LCAT: variants seen among roughly 807,000 people sequenced by gnomAD.
The protein encoded by LCAT is lecithin-cholesterol acyltransferase, also known as phosphatidylcholine-sterol acyltransferase.
LCAT carries 15 observed loss-of-function variants against 41.0 expected under a neutral mutation model. The observed-to-expected ratio is 0.37, with a 90% CI of 0.24 to 0.56. LCAT has a LOEUF of 0.56. Among genes scored for constraint, LCAT ranks in the 20% least tolerant of loss-of-function variants. LCAT has a pLI of 0.81. For missense variants in LCAT, 449 were observed against 595.1 expected, an observed-to-expected ratio of 0.75 and a Z score of 2.55; for synonymous variants, 248 against 245.4, an observed-to-expected ratio of 1.01 and a Z score of -0.10.
Position 67,940,222 on chromosome 16 carries a change from T to G in LCAT, c.1005A>C (p.Val335=), listed in dbSNP as rs770281333. ...LAGLPAPGVE[V]YCLYGVGLPT... is the part of the protein sequence containing the mutation. ...GCAGGCCCACGCCGTAAAGACAGTATACTTCCACACCAGGTGCTGGGAGTC... is the reference window on the plus strand; with the variant it reads ...GCAGGCCCACGCCGTAAAGACAGTAGACTTCCACACCAGGTGCTGGGAGTC... The change falls in exon 6 of 6, where the codon GTA becomes GTC. Residue 335 remains valine (V), a synonymous_variant. Coordinates refer to ENST00000264005, the MANE Select transcript of LCAT (RefSeq NM_000229.2). The G allele has an allele frequency of 1.9e-6, 3 of 1,613,208 alleles. No homozygotes were observed. In the South Asian group the frequency reaches 3.3e-5, roughly 18 times the overall value.
Position 67,943,975 on chromosome 16 carries a change from T to C in LCAT, c.127A>G (p.Ser43Gly). ...PPHTTPKAEL[S>G]NHTRPVILVP... is the part of the protein sequence containing the mutation. ...AGGATGACGGGCCGTGTGTGGTTAC[T>C]GAGCTCAGCCTTGGGCGTGGTGTGC... Residue 43 changes from serine to glycine, a missense_variant, in exon 1 of 6, where the codon AGT becomes GGT. Transcript: ENST00000264005. The surrounding 1 kb of genome is among the most constrained non-coding windows in gnomAD (Gnocchi z 4.6). 6.5e-7 allele frequency: 1 copy of C among 1,548,122 alleles called. No homozygotes were observed. Among genetic ancestry groups the C allele is most frequent in the Non-Finnish European group, 8.7e-7 (1 of 1,145,416 alleles).
In LCAT at chr16:67,942,921, G is replaced by A. The variant is rs140068549; in HGVS notation, c.367C>T (p.Arg123Cys). 1.8e-5 allele frequency: 29 copies of A among 1,613,786 alleles called. No homozygotes were observed. Among genetic ancestry groups the A allele is most frequent in the Non-Finnish European group, 2.1e-5 (25 of 1,179,986 alleles). The change falls in exon 3 of 6, where the codon CGC (arginine) becomes TGC (cysteine). Residue 123 changes from arginine (R) to cysteine (C), a missense_variant. Coordinates refer to ENST00000264005, the MANE Select transcript of LCAT (RefSeq NM_000229.2). The surrounding 1 kb of genome is among the most constrained non-coding windows in gnomAD (Gnocchi z 6.6). ...TAGGTCTTGCCAAAGCCAGGGACGC[G>A]GATCTGGACACCAGGGGCGTTGGAC... ...LVSNAPGVQI[R>C]VPGFGKTYSV... is the part of the protein sequence containing the mutation.
At chr16:67,940,835 CAA>C (rs1188151330) in intron 5 of LCAT, 811 of 79,088 alleles carry the variant, frequency 0.01, no homozygotes, top group South Asian at 0.029. Flanking sequence ...CCTGTCTCTA[CAA>C]AAAAAAAAAA....
rs757270498 is a variant in LCAT, at chr16:67,942,698, C to T, written c.496G>A (p.Ala166Thr). 6 of 1,612,756 alleles carry T rather than the reference C, an allele frequency of 3.7e-6. No individual in the cohort carries two copies. Among genetic ancestry groups the T allele is most frequent in the East Asian group, 2.2e-5 (1 of 44,892 alleles). The stretch of plus-strand genomic sequence containing the variant: ...GGCTCCAGCCGCCAGTCATAGGGGG[C>T]GGCGCGCACAGTCTCGTCCCGCACG... ...GYVRDETVRA[A>T]PYDWRLEPGQ... The change falls in exon 4 of 6, where the codon GCC (alanine) becomes ACC (threonine). Residue 166 changes from alanine to threonine, a missense_variant. Physicochemically the swap from Ala to Thr is moderately conservative, Grantham distance 58 (BLOSUM62 0). Coordinates refer to ENST00000264005, the MANE Select transcript of LCAT (RefSeq NM_000229.2). The surrounding 1 kb of genome is among the most constrained non-coding windows in gnomAD (Gnocchi z 6.6).
chr16:67,942,695 G>A lies in LCAT; in HGVS notation c.499C>T (p.Pro167Ser). Reference sequence around the variant, plus strand: ...CCGGGCTCCAGCCGCCAGTCATAGGGGGCGGCGCGCACAGTCTCGTCCCGC... The same window carrying A: ...CCGGGCTCCAGCCGCCAGTCATAGGAGGCGGCGCGCACAGTCTCGTCCCGC... ...YVRDETVRAAPYDWRLEPGQQ... is the reference protein window; with the variant it reads ...YVRDETVRAASYDWRLEPGQQ... Residue 167 changes from proline (P) to serine (S), a missense_variant, in exon 4 of 6, where the codon CCC becomes TCC. Physicochemically the swap from Pro to Ser is moderately conservative, Grantham distance 74 (BLOSUM62 -1). Coordinates refer to ENST00000264005, the MANE Select transcript of LCAT (RefSeq NM_000229.2). The surrounding 1 kb of genome is among the most constrained non-coding windows in gnomAD (Gnocchi z 6.6). 1 of 1,612,904 alleles carries A rather than the reference G, an allele frequency of 6.2e-7. No homozygotes were observed. The highest frequency in any genetic ancestry group is 8.5e-7 in the Non-Finnish European group (1 of 1,179,938).
chr16:67,941,630 A>AGT (rs758430944), intron 5 of LCAT: 244 of 984,854 alleles, frequency 2.5e-4, no homozygotes, highest in Non-Finnish European at 2.8e-4. Flanking sequence ...GAAAAAAAAA[A>AGT]GTAGGCGGGG....
rs2058303548 is a variant in LCAT, at chr16:67,943,299, AC to A, written c.155-88del. ...CCCAGATGCTGCAGTGACCAGACCCACCCCCCACCTCCCATACCCTCAACCC... is the reference window on the plus strand; with the variant it reads ...CCCAGATGCTGCAGTGACCAGACCCACCCCCACCTCCCATACCCTCAACCC... On this transcript the variant is annotated intron_variant, in intron 1 of 5. Transcript: ENST00000264005. This position sits in a 1 kb window ranked among gnomAD's most constrained non-coding sequence, Gnocchi z 4.6. The A allele has an allele frequency of 9.0e-6, 12 of 1,326,188 alleles. No homozygotes were observed. Among genetic ancestry groups the A allele is most frequent in the Admixed American group, 2.0e-5 (1 of 49,780 alleles). 82.2% of individuals were successfully genotyped at this position (1,326,188 alleles called of 1,614,324 possible). A position where few individuals can be genotyped will look rare whatever the true frequency, so the allele number is the denominator to read the frequency against.
chr16:67,943,479 T>C lies in LCAT; in HGVS notation c.155-267A>G, dbSNP rs1109166. The C allele has an allele frequency of 0.23, 123,451 of 528,266 alleles. 20,265 individuals carry two copies. Among genetic ancestry groups the C allele is most frequent in the African/African-American group, 0.65 (34,115 of 52,430 alleles). The allele number at this position is 528,266 out of a possible 1,614,324, so 32.7% of individuals were successfully genotyped here. On this transcript the variant is annotated intron_variant, in intron 1 of 5. Coordinates refer to ENST00000264005, the MANE Select transcript of LCAT (RefSeq NM_000229.2). This position sits in a 1 kb window ranked among gnomAD's most constrained non-coding sequence, Gnocchi z 4.6. Reference sequence around the variant, plus strand: ...CTGCCTCTGCAGAGCAAACACCCAGTCTGGCGCTCCTTTATTGCCAAAGTC... The same window carrying C: ...CTGCCTCTGCAGAGCAAACACCCAGCCTGGCGCTCCTTTATTGCCAAAGTC...
chr16:67,940,007 C>T lies in LCAT; in HGVS notation c.1220G>A (p.Ser407Asn), dbSNP rs1057197638. Reference sequence around the variant, plus strand: ...ATTGATGTGCTCCAGGGTCAGGTTGCTGAAGACCATGTTGAGATGCTGTAT... The same window carrying T: ...ATTGATGTGCTCCAGGGTCAGGTTGTTGAAGACCATGTTGAGATGCTGTAT... The part of the protein sequence containing the change: ...HGIQHLNMVF[S>N]NLTLEHINAI... The change falls in exon 6 of 6, where the codon AGC becomes AAC. Residue 407 changes from serine (S) to asparagine (N), a missense_variant. Physicochemically the swap from Ser to Asn is conservative, Grantham distance 46 (BLOSUM62 1). Transcript: ENST00000264005. The T allele has an allele frequency of 1.2e-6, 2 of 1,613,666 alleles. No individual in the cohort carries two copies. The highest frequency in any genetic ancestry group is 1.7e-6 in the Non-Finnish European group (2 of 1,180,040).
chr16:67,942,312 ATCAGCTTGGTC>A lies in LCAT; in HGVS notation c.748+40_748+50del, dbSNP rs765225093. 6.3e-7 allele frequency: 1 copy of A among 1,577,588 alleles called. No individual in the cohort carries two copies. The highest frequency in any genetic ancestry group is 1.3e-5 in the African/African-American group (1 of 74,266). ...GAGCCGCAATGAAGGCAGGCCCAGGATCAGCTTGGTCTCACCCATCGCTGGACCTAAGTGTT... is the reference window on the plus strand; with the variant it reads ...GAGCCGCAATGAAGGCAGGCCCAGGATCACCCATCGCTGGACCTAAGTGTT... On this transcript the variant is annotated intron_variant, in intron 5 of 5. Coordinates refer to ENST00000264005, the MANE Select transcript of LCAT (RefSeq NM_000229.2). The surrounding 1 kb of genome is among the most constrained non-coding windows in gnomAD (Gnocchi z 6.6).
rs376973514 is a variant in LCAT, at chr16:67,942,506, A to G, written c.605T>C (p.Ile202Thr). The G allele has an allele frequency of 1.3e-5, 21 of 1,613,798 alleles. No individual in the cohort carries two copies. The highest frequency in any genetic ancestry group is 1.8e-5 in the Non-Finnish European group (21 of 1,180,002). The change falls in exon 5 of 6, where the codon ATT becomes ACT. Residue 202 changes from isoleucine (I) to threonine (T), a missense_variant. Ile to Thr is a moderately conservative substitution (Grantham distance 89). Coordinates refer to ENST00000264005, the MANE Select transcript of LCAT (RefSeq NM_000229.2). This position sits in a 1 kb window ranked among gnomAD's most constrained non-coding sequence, Gnocchi z 6.6. The stretch of plus-strand genomic sequence containing the variant: ...GTGTAGACAGCCGAGGCTGTGGCCA[A>G]TGAGGAAGACAGGCTTCCCATAGGC... ...HAAYGKPVFL[I>T]GHSLGCLHLL... is the part of the protein sequence containing the mutation.
chr16:67,941,038 T>G (rs2058288525), intron 5 of LCAT, among the ~76,000 whole-genome samples: 1 of 152,066 alleles, frequency 6.6e-6, no homozygotes, highest in African/African-American at 2.4e-5. Flanking sequence ...GTACGGTGGC[T>G]CACACCTGTA....
rs2058312868 is a variant in LCAT at position 67,943,986 on chromosome 16, T to A, written c.116A>T (p.Lys39Met). 6.5e-7 allele frequency: 1 copy of A among 1,548,494 alleles called. No homozygotes were observed. The highest frequency in any genetic ancestry group is 1.4e-5 in the African/African-American group (1 of 73,082). ...NVLFPPHTTP[K>M]AELSNHTRPV... ...CCGTGTGTGGTTACTGAGCTCAGCC[T>A]TGGGCGTGGTGTGCGGGGGGAAGAG... Residue 39 changes from lysine (K) to methionine (M), a missense_variant, in exon 1 of 6, where the codon AAG becomes ATG. By Grantham distance (95) the Lys-to-Met change is moderately conservative. Transcript: ENST00000264005. This position sits in a 1 kb window ranked among gnomAD's most constrained non-coding sequence, Gnocchi z 4.6.
Position 67,943,771 on chromosome 16 carries a change from G to T in LCAT, c.154+177C>A. ...ACAACTGAGAGTCACAGTGTGGTGG[G>T]AGAAGGGACGTCATTCCTCTAAGGG... On this transcript the variant is annotated intron_variant, in intron 1 of 5. Transcript: ENST00000264005. The surrounding 1 kb of genome is among the most constrained non-coding windows in gnomAD (Gnocchi z 4.6). 1 of 630,622 alleles carries T rather than the reference G, an allele frequency of 1.6e-6. No individual in the cohort carries two copies. The allele number at this position is 630,622 out of a possible 1,614,324, so 39.1% of individuals were successfully genotyped here. A position where few individuals can be genotyped will look rare whatever the true frequency, so the allele number is the denominator to read the frequency against.
At chr16:67,940,951 A>T (rs1241586028) in intron 5 of LCAT, 1 of 189,042 alleles carries the variant, frequency 5.3e-6, no homozygotes, top group African/African-American at 2.4e-5. Context: ...GTTACAGTAA[A>T]CTATGATCGC....
rs1323599674 is a variant in LCAT at position 67,942,774 on chromosome 16, G to T, written c.428-8C>A. 6.2e-7 allele frequency: 1 copy of T among 1,612,902 alleles called. No homozygotes were observed. The highest frequency in any genetic ancestry group is 1.1e-5 in the South Asian group (1 of 91,082). ...CCAGTGTGTGCAGGTACCCTGTGGG[G>T]GGACCAGCAGCACCGGGGGCTTGGG... On this transcript the variant is annotated splice_polypyrimidine_tract_variant and splice_region_variant and intron_variant, in intron 3 of 5. Coordinates refer to ENST00000264005, the MANE Select transcript of LCAT (RefSeq NM_000229.2). This position sits in a 1 kb window ranked among gnomAD's most constrained non-coding sequence, Gnocchi z 6.6.
intron 5 of LCAT, chr16:67,941,291 G>A (rs1259549804): frequency 2.6e-5 from 4 of 151,996 alleles, no homozygotes; most frequent in Non-Finnish European, 4.4e-5. Flanking sequence ...GAAACAGAGC[G>A]AGACTCCATC....
rs780635568 is a variant in LCAT, at chr16:67,940,324, G to A, written c.903C>T (p.Asp301=). ...GCAGGTCTGCAAAGAAGCGTTGGAA[G>A]TCACGGCCTGTGTAGTTGAAGCTGG... ...STPSFNYTGR[D]FQRFFADLHF... Residue 301 remains aspartate (D), a synonymous_variant, in exon 6 of 6, where the codon GAC becomes GAT. Transcript: ENST00000264005. 132 of 1,614,204 alleles carry A rather than the reference G, an allele frequency of 8.2e-5. No homozygotes were observed. Among genetic ancestry groups the A allele is most frequent in the Non-Finnish European group, 3.0e-5 (35 of 1,180,048 alleles).
At position 67,942,503 on chromosome 16, in the gene LCAT, C is replaced by T. The variant is rs899031445; in HGVS notation, c.608G>A (p.Gly203Asp). The T allele has an allele frequency of 1.9e-6, 3 of 1,613,658 alleles. No individual in the cohort carries two copies. The African/African-American group carries it at 4.0e-5, about 22-fold the overall frequency. Reference sequence around the variant, plus strand: ...CAAGTGTAGACAGCCGAGGCTGTGGCCAATGAGGAAGACAGGCTTCCCATA... The same window carrying T: ...CAAGTGTAGACAGCCGAGGCTGTGGTCAATGAGGAAGACAGGCTTCCCATA... The part of the protein sequence containing the change: ...AAYGKPVFLI[G>D]HSLGCLHLLY... Residue 203 changes from glycine (G) to aspartate (D), a missense_variant, in exon 5 of 6, where the codon GGC (glycine) becomes GAC (aspartate). By Grantham distance (94) the Gly-to-Asp change is moderately conservative. Coordinates refer to ENST00000264005, the MANE Select transcript of LCAT (RefSeq NM_000229.2). This position sits in a 1 kb window ranked among gnomAD's most constrained non-coding sequence, Gnocchi z 6.6.
Sources: gnomAD v4.1 joint callset for allele counts (sites outside exome capture counted in the v4.1 genomes callset) on GRCh38, gnomAD v4.1.1 for gene constraint, Gnocchi (gnomAD v3.1) non-coding constraint, MANE v1.5 for transcripts, NCBI Gene and HGNC (gene_info 2026-07-23, HGNC 2026-07-21) for gene names.